The following NREP variants were observed in gnomAD, a reference collection of about 807,000 sequenced individuals.
NREP encodes the protein neuronal regeneration related protein.
NREP carries 5 observed loss-of-function variants against 8.6 expected under a neutral mutation model. The ratio of observed to expected loss-of-function variants is 0.58; its 90% CI spans 0.30 to 1.22. The LOEUF (loss-of-function observed/expected upper bound fraction) is 1.22, where lower values mean the gene tolerates loss of function less well. Ranked by LOEUF, NREP falls within the 50% of genes most tolerant of loss-of-function variation. The probability of loss-of-function intolerance (pLI) is 0.07; values close to 1 mark genes in which losing one functional copy is unlikely to be tolerated. For missense variants in NREP, 86 were observed against 82.5 expected, an observed-to-expected ratio of 1.04 and a Z score of -0.17; for synonymous variants, 27 against 28.0, an observed-to-expected ratio of 0.96 and a Z score of 0.11.
At chr5:111,875,471 C>T (rs1469853323) in intron 2 of NREP, among the ~76,000 whole-genome samples, 1 of 152,114 alleles carries the variant, frequency 6.6e-6, no homozygotes, top group African/African-American at 2.4e-5. Context: ...TTGTGGTTTT[C>T]ACCACTCAGA....
At chr5:111,743,323 G>T (rs1378234228) in intron 2 of NREP, among the ~76,000 whole-genome samples, 2 of 151,208 alleles carry the variant, frequency 1.3e-5, no homozygotes, top group Non-Finnish European at 2.9e-5. Flanking sequence ...AGGCATTTAA[G>T]CACTGCATAA....
chr5:111,847,715 G>A (rs1753216744), intron 2 of NREP, among the ~76,000 whole-genome samples: 1 of 151,274 alleles, frequency 6.6e-6, no homozygotes, highest in South Asian at 2.1e-4. Context: ...TGGCTTCTCT[G>A]AATGTGAGAC....
chr5:111,814,822 T>C (rs953853943), intron 2 of NREP, among the ~76,000 whole-genome samples: 3 of 152,072 alleles, frequency 2.0e-5, no homozygotes, highest in Non-Finnish European at 4.4e-5. Flanking sequence ...GTTGGTCTGG[T>C]AGTATTGGAA....
At chr5:111,843,153 C>G (rs960599436) in intron 2 of NREP, among the ~76,000 whole-genome samples, 15 of 152,080 alleles carry the variant, frequency 9.9e-5, no homozygotes, top group Admixed American at 3.9e-4. Flanking sequence ...TTTCTCTCTG[C>G]TCCTTTTAGG....
At chr5:111,932,592 AAAC>A (rs1265447936) in intron 2 of NREP, among the ~76,000 whole-genome samples, 6 of 152,128 alleles carry the variant, frequency 3.9e-5, no homozygotes, top group Admixed American at 1.3e-4. Context: ...GTTTCCTATT[AAAC>A]AACAACATTT....
In NREP at chr5:111,892,278, A is replaced by G. The variant is rs112363691; in HGVS notation, c.135+82996T>C. Among the ~76,000 whole-genome samples, 760 of 152,292 alleles carry G rather than the reference A, an allele frequency of 5.0e-3. 4 individuals are homozygous for G. Among genetic ancestry groups the G allele is most frequent in the African/African-American group, 0.017 (712 of 41,568 alleles). On this transcript the variant is annotated intron_variant, in intron 2 of 3. Coordinates refer to the NREP transcript ENST00000395634. ...AGAAACAAATCATACAATAGAGGGC[A>G]TCTACTTAAATTGCTAAACAATGTG... is the stretch of plus-strand genomic sequence containing the variant.
At chr5:111,750,296 T>C (rs981584976) in intron 2 of NREP, among the ~76,000 whole-genome samples, 2 of 152,208 alleles carry the variant, frequency 1.3e-5, no homozygotes, top group Admixed American at 1.3e-4. Flanking sequence ...TCACTCAATA[T>C]AAGGACTGGT....
At chr5:111,800,392 A>G (rs1181302343) in intron 2 of NREP, among the ~76,000 whole-genome samples, 2 of 152,244 alleles carry the variant, frequency 1.3e-5, no homozygotes, top group Non-Finnish European at 2.9e-5. Context: ...GGCCAGCTTC[A>G]TGGGCATGCC....
At chr5:111,840,454 A>G (rs755803874) in intron 2 of NREP, among the ~76,000 whole-genome samples, 14 of 152,130 alleles carry the variant, frequency 9.2e-5, no homozygotes, top group Non-Finnish European at 1.8e-4. Context: ...TTGGCTCAGC[A>G]GTTTGCTTCT....
intron 1 of NREP, 67 bp from the exon 2 acceptor site, chr5:111,755,897 CTT>C: frequency 6.3e-7 from 1 of 1,591,666 alleles, no homozygotes; most frequent in Non-Finnish European, 8.6e-7. Flanking sequence ...AAAAATGCCT[CTT>C]TAGAGGTTAC....
At chr5:111,759,192 A>G (rs1335739812), upstream of NREP, among the ~76,000 whole-genome samples, 4 of 152,134 alleles carry the variant, frequency 2.6e-5, no homozygotes, top group Non-Finnish European at 4.4e-5. Flanking sequence ...GCACCTCAAC[A>G]TTGAGATCTT....
intron 2 of NREP, among the ~76,000 whole-genome samples, chr5:111,934,221 G>A (rs1239301580): frequency 6.6e-6 from 1 of 152,052 alleles, no homozygotes; most frequent in Non-Finnish European, 1.5e-5. Flanking sequence ...GTGAGAGAGA[G>A]TTCCATTGCG....
At chr5:111,757,876 T>C (rs1318429944), upstream of NREP, 1 of 981,052 alleles carries the variant, frequency 1.0e-6, no homozygotes, top group East Asian at 1.1e-4. Context: ...GCGGCCAGGG[T>C]GCTGCACAGC....
intron 2 of NREP, among the ~76,000 whole-genome samples, chr5:111,826,289 T>A: frequency 6.6e-6 from 1 of 152,276 alleles, no homozygotes; most frequent in Non-Finnish European, 1.5e-5. Flanking sequence ...ATCAGCAGGA[T>A]GTGGGTGGGG....
At chr5:111,967,628 C>T (rs530669913) in intron 2 of NREP, among the ~76,000 whole-genome samples, 23 of 152,176 alleles carry the variant, frequency 1.5e-4, no homozygotes, top group Admixed American at 2.0e-4. Flanking sequence ...CGCCTCTGCC[C>T]GGCCCCCGCC....
chr5:111,868,805 G>T (rs1425824505), intron 2 of NREP, among the ~76,000 whole-genome samples: 3 of 151,536 alleles, frequency 2.0e-5, no homozygotes, highest in African/African-American at 7.3e-5. Context: ...CTAAATGGCA[G>T]ACAAATTTGA....
At chr5:111,853,594 G>C (rs1043692867) in intron 2 of NREP, among the ~76,000 whole-genome samples, 2 of 151,918 alleles carry the variant, frequency 1.3e-5, no homozygotes, top group Non-Finnish European at 2.9e-5. Context: ...ACCAAAAAAA[G>C]TTTTAAATAG....
intron 2 of NREP, among the ~76,000 whole-genome samples, chr5:111,963,042 CCT>C (rs1756523438): frequency 6.6e-6 from 1 of 152,260 alleles, no homozygotes; most frequent in South Asian, 2.1e-4. Flanking sequence ...GGCCATTTGC[CCT>C]TGCTGGTGGA....
At chr5:111,883,893 C>G (rs996118279) in intron 2 of NREP, among the ~76,000 whole-genome samples, 9 of 152,228 alleles carry the variant, frequency 5.9e-5, no homozygotes, top group African/African-American at 1.7e-4. Flanking sequence ...AATTCACACC[C>G]TGACATCACA....
Sources: gnomAD v4.1 joint callset for allele counts (sites outside exome capture counted in the v4.1 genomes callset) on GRCh38, gnomAD v4.1.1 for gene constraint, MANE v1.5 for transcripts, NCBI Gene and HGNC (gene_info 2026-07-23, HGNC 2026-07-21) for gene names.